The following ABCG1 variants were observed in gnomAD, a reference collection of about 807,000 sequenced individuals.
ABCG1 encodes the protein ATP binding cassette subfamily G member 1, also known as ATP-binding cassette sub-family G member 1.
Under a neutral mutation model 69.2 loss-of-function variants are expected in ABCG1, and 29 were observed. That is an observed-to-expected ratio of 0.42 (90% CI 0.31 to 0.57). The LOEUF is 0.57. Among genes scored for constraint, ABCG1 ranks in the 20% least tolerant of loss-of-function variants. The pLI, the probability that ABCG1 is intolerant of heterozygous loss-of-function variation, is 0.15. For synonymous variants in ABCG1, 370 were observed against 374.8 expected, an observed-to-expected ratio of 0.99 and a Z score of 0.15; for missense variants, 718 against 898.1, an observed-to-expected ratio of 0.80 and a Z score of 2.56.
At chr21:42,286,222 G>C (rs1056836065) in intron 8 of ABCG1, 6 of 496,446 alleles carry the variant, frequency 1.2e-5, no homozygotes, top group Non-Finnish European at 2.2e-5. Context: ...CTGTCTCCAT[G>C]TCCTAATCAC....
At chr21:42,216,914 C>A (rs370676359), upstream of ABCG1, among the ~76,000 whole-genome samples, 3 of 152,202 alleles carry the variant, frequency 2.0e-5, no homozygotes, top group Admixed American at 6.5e-5. Context: ...TTATTTCCCA[C>A]GTGGTGGGGA....
chr21:42,291,493 T>TCCAGATCATGTTC lies in ABCG1; in HGVS notation c.1495_1507dup. 3 of 1,605,032 alleles carry TCCAGATCATGTTC rather than the reference T, an allele frequency of 1.9e-6. No individual in the cohort carries two copies. The highest frequency in any genetic ancestry group is 2.6e-6 in the Non-Finnish European group (3 of 1,173,048). The stretch of plus-strand genomic sequence containing the variant: ...AGCCCGCGGCTGACGGGTCCTTGTT[T>TCCAGATCATGTTC]CCAGATCATGTTCCCAGTGGCCTAC... On this transcript the variant is annotated splice_polypyrimidine_tract_variant and splice_region_variant and intron_variant, in intron 12 of 14. Coordinates refer to ENST00000398449, the MANE Select transcript of ABCG1 (RefSeq NM_016818.3). This position sits in a 1 kb window ranked among gnomAD's most constrained non-coding sequence, Gnocchi z 6.4.
In ABCG1 at chr21:42,219,792, A is replaced by G. The variant is rs940483187; in HGVS notation, c.42+488A>G. Reference sequence around the variant, plus strand: ...AACGCCAGGCAAGGTCTGGGGGAACAAAAGAGGAAGCTGCCCCCAGAGAGC... The same window carrying G: ...AACGCCAGGCAAGGTCTGGGGGAACGAAAGAGGAAGCTGCCCCCAGAGAGC... On this transcript the variant is annotated intron_variant, in intron 1 of 14. Transcript: ENST00000398449. The surrounding 1 kb of genome is among the most constrained non-coding windows in gnomAD (Gnocchi z 5.3). The G allele has an allele frequency of 4.9e-6, 7 of 1,424,608 alleles. No homozygotes were observed. Among genetic ancestry groups the G allele is most frequent in the East Asian group, 2.6e-5 (1 of 38,246 alleles). The allele number at this position is 1,424,608 out of a possible 1,614,324, so 88.2% of individuals were successfully genotyped here.
At chr21:42,210,383 G>A (rs1039279632) in intron 2 of ABCG1, among the ~76,000 whole-genome samples, 4 of 152,150 alleles carry the variant, frequency 2.6e-5, no homozygotes, top group African/African-American at 9.7e-5. Flanking sequence ...TTTGTTATGG[G>A]TGTGATGGGA....
chr21:42,284,783 G>C (rs1234804750), intron 7 of ABCG1, 100 bp downstream of exon 7: 2 of 1,487,324 alleles, frequency 1.3e-6, no homozygotes, highest in Non-Finnish European at 1.8e-6. Flanking sequence ...GTTAGCTCGT[G>C]GGGCGTCTTC....
At chr21:42,228,297 G>A (rs1174187595) in intron 2 of ABCG1, among the ~76,000 whole-genome samples, 2 of 152,134 alleles carry the variant, frequency 1.3e-5, no homozygotes, top group Non-Finnish European at 2.9e-5. Flanking sequence ...GAGCCAGAGG[G>A]GTTGACAGAC....
At chr21:42,252,141 C>T (rs2068232573) in intron 2 of ABCG1, among the ~76,000 whole-genome samples, 1 of 152,160 alleles carries the variant, frequency 6.6e-6, no homozygotes, top group Admixed American at 6.5e-5. Context: ...GTGCCATTGC[C>T]CGGACAAGAA....
intron 2 of ABCG1, among the ~76,000 whole-genome samples, chr21:42,226,453 A>G (rs1292221542): frequency 6.6e-6 from 1 of 152,232 alleles, no homozygotes; most frequent in Non-Finnish European, 1.5e-5. Flanking sequence ...TAAAAATAGA[A>G]AAAACAGAGA....
intron 2 of ABCG1, among the ~76,000 whole-genome samples, chr21:42,208,727 A>G (rs2067563012): frequency 6.6e-6 from 1 of 152,178 alleles, no homozygotes; most frequent in African/African-American, 2.4e-5. Flanking sequence ...ATTTACTGAG[A>G]TAATTTATGA....
intron 2 of ABCG1, among the ~76,000 whole-genome samples, chr21:42,234,600 C>T (rs1418108154): frequency 1.3e-5 from 2 of 152,210 alleles, no homozygotes; most frequent in Admixed American, 6.5e-5. Flanking sequence ...TTCATCCTGG[C>T]CCGTGGTGAT....
intron 2 of ABCG1, among the ~76,000 whole-genome samples, chr21:42,230,371 G>A (rs2067883768): frequency 6.6e-6 from 1 of 152,226 alleles, no homozygotes; most frequent in South Asian, 2.1e-4. Flanking sequence ...TCTCCCTCAA[G>A]GAATTCACTC....
chr21:42,226,358 C>T (rs922246271), intron 2 of ABCG1, among the ~76,000 whole-genome samples: 4 of 152,134 alleles, frequency 2.6e-5, no homozygotes, highest in African/African-American at 9.7e-5. Context: ...ACTGACCTCT[C>T]CAGAGACCCA....
rs377697117 is a variant in ABCG1, at chr21:42,267,920, TTCTGTCTGGGTGTGGTCTGGGTTCTG to T, written c.287-3146_287-3121del. On this transcript the variant is annotated intron_variant, in intron 2 of 14. Transcript: ENST00000398449. ...GGGTTCTGTCTGGGTGTGGTCTGGG[TTCTGTCTGGGTGTGGTCTGGGTTCTG>T]TCTAAGTTCTGGTCTGGCTGTTCTA... Among the ~76,000 whole-genome samples the T allele has an allele frequency of 9.4e-3, 1,425 of 151,944 alleles. 13 individuals are homozygous for T. Among genetic ancestry groups the T allele is most frequent in the African/African-American group, 0.032 (1,303 of 41,362 alleles).
intron 2 of ABCG1, among the ~76,000 whole-genome samples, chr21:42,251,358 C>T (rs747767061): frequency 1.3e-5 from 2 of 152,094 alleles, no homozygotes; most frequent in Admixed American, 6.5e-5. Context: ...GAAGGAGGTA[C>T]GTGTTGTTAC....
At chr21:42,266,623 C>T (rs2068510490) in intron 2 of ABCG1, among the ~76,000 whole-genome samples, 1 of 152,212 alleles carries the variant, frequency 6.6e-6, no homozygotes. Flanking sequence ...CTTCTATCCT[C>T]CTCCCATCTC....
chr21:42,274,416 T>C (rs2068672873), intron 4 of ABCG1, among the ~76,000 whole-genome samples: 2 of 151,786 alleles, frequency 1.3e-5, no homozygotes, highest in Non-Finnish European at 2.9e-5. Context: ...GAATAGCTGG[T>C]TGTGCTCCTT....
chr21:42,287,751 C>T lies in ABCG1; in HGVS notation c.974-138C>T, dbSNP rs1312711848. The T allele has an allele frequency of 7.0e-6, 6 of 859,194 alleles. No homozygotes were observed. Among genetic ancestry groups the T allele is most frequent in the East Asian group, 2.6e-5 (1 of 38,764 alleles). 53.2% of individuals were successfully genotyped at this position (859,194 alleles called of 1,614,324 possible). On this transcript the variant is annotated intron_variant, in intron 8 of 14. Transcript: ENST00000398449. The surrounding 1 kb of genome is among the most constrained non-coding windows in gnomAD (Gnocchi z 6.2). ...CACGCTGGTTGATAAATGATTTTGA[C>T]GTCATGCCATTAGCACCGCCACGCA... is the stretch of plus-strand genomic sequence containing the variant.
upstream of ABCG1, among the ~76,000 whole-genome samples, chr21:42,213,060 A>G (rs11701721): frequency 5.1e-3 from 773 of 152,354 alleles, 2 homozygotes; most frequent in Non-Finnish European, 8.1e-3. Flanking sequence ...ACCATACTGT[A>G]AAGAATAAAA....
In ABCG1 at chr21:42,225,680, A is replaced by C; in HGVS notation, c.52A>C (p.Ser18Arg). Reference protein sequence around the residue: ...FSVGTAMNASSYSAEMTEPKS... With the variant: ...FSVGTAMNASRYSAEMTEPKS... ...CCTCTGGTTTTTCTAGAATGCCAGC[A>C]GTTACTCTGCAGAGATGACGGAGCC... The change falls in exon 2 of 15, where the codon AGT becomes CGT. Residue 18 changes from serine to arginine, a missense_variant. Ser to Arg is a moderately radical substitution (Grantham distance 110). Coordinates refer to ENST00000398449, the MANE Select transcript of ABCG1 (RefSeq NM_016818.3). 1 of 1,609,724 alleles carries C rather than the reference A, an allele frequency of 6.2e-7. No homozygotes were observed. Among genetic ancestry groups the C allele is most frequent in the Non-Finnish European group, 8.5e-7 (1 of 1,179,282 alleles).
Sources: allele counts gnomAD v4.1 joint callset (sites outside exome capture counted in the v4.1 genomes callset), GRCh38; gene constraint gnomAD v4.1.1; non-coding constraint Gnocchi (gnomAD v3.1); transcripts MANE v1.5; gene names NCBI Gene and HGNC (gene_info 2026-07-23, HGNC 2026-07-21).